Variants in SCAF4 observed in about 807,000 individuals in gnomAD.
SCAF4 encodes SR-related CTD associated factor 4, also known as SR-related and CTD-associated factor 4.
A neutral mutation model predicts 129.8 loss-of-function variants in SCAF4; 25 were observed. That is an observed-to-expected ratio of 0.19 (90% confidence interval 0.14 to 0.27). The LOEUF (loss-of-function observed/expected upper bound fraction) is 0.27, where lower values mean the gene tolerates loss of function less well. SCAF4 is among the 10% of genes least tolerant of loss of function. SCAF4 has a pLI of 1.00. For missense variants in SCAF4, 1,246 were observed against 1,457.1 expected, an observed-to-expected ratio of 0.86 and a Z score of 2.36; for synonymous variants, 551 against 497.7, an observed-to-expected ratio of 1.11 and a Z score of -1.43.
intron 1 of SCAF4, among the ~76,000 whole-genome samples, chr21:31,721,922 G>A (rs747670945): frequency 4.0e-5 from 6 of 151,870 alleles, no homozygotes; most frequent in Admixed American, 6.6e-5. Flanking sequence ...GTTTCTCAAT[G>A]TTGGCCAGGC....
At chr21:31,685,856 A>C (rs757565205) in intron 16 of SCAF4, 123 bp from the exon 17 acceptor site, 27 of 856,188 alleles carry the variant, frequency 3.2e-5, no homozygotes, top group Non-Finnish European at 4.7e-5. Context: ...TTATTAGACC[A>C]ATTTATTAAA....
chr21:31,714,128 A>G (rs576209012), intron 1 of SCAF4, among the ~76,000 whole-genome samples: 3 of 152,026 alleles, frequency 2.0e-5, no homozygotes, highest in Non-Finnish European at 4.4e-5. Flanking sequence ...GGATATACTG[A>G]TATCTGCTTG....
rs768271191 is a variant in SCAF4, at chr21:31,694,257, C to A, written c.1269G>T (p.Glu423Asp). 3.7e-6 allele frequency: 6 copies of A among 1,608,030 alleles called. No individual in the cohort carries two copies. Among genetic ancestry groups the A allele is most frequent in the Middle Eastern group, 1.7e-4 (1 of 6,034 alleles). The change falls in exon 11 of 20, where the codon GAG becomes GAT. Residue 423 changes from glutamate to aspartate, a missense_variant. Physicochemically the swap from Glu to Asp is conservative, Grantham distance 45 (BLOSUM62 2). This residue lies in a region of SCAF4 where 236 missense variants were observed against 210.0 expected (regional missense o/e 1.12). Transcript: ENST00000286835. ...TGTTATCAGACATATGTCGCTTAAC[C>A]TCTTGAATACAAGGTTGTTCTACTT... Reference protein sequence around the residue: ...EMEVEQPCIQEVKRHMSDNRK... With the variant: ...EMEVEQPCIQDVKRHMSDNRK...
intron 1 of SCAF4, among the ~76,000 whole-genome samples, chr21:31,712,366 C>T (rs1340786822): frequency 6.8e-6 from 1 of 147,340 alleles, no homozygotes; most frequent in Non-Finnish European, 1.5e-5. Flanking sequence ...TACAGACGTG[C>T]ACCACCACAC....
chr21:31,694,034 T>A (rs554454140), intron 11 of SCAF4, among the ~76,000 whole-genome samples, 170 bp downstream of exon 11: 2 of 152,304 alleles, frequency 1.3e-5, no homozygotes, highest in South Asian at 4.1e-4. Context: ...ATGTAGTTTT[T>A]TTTTTTACAT....
rs181658509 is a variant in SCAF4 at position 31,728,880 on chromosome 21, G to A, written c.30+2783C>T. Among the ~76,000 whole-genome samples the A allele has an allele frequency of 2.6e-5, 4 of 152,212 alleles. 1 individual carries two copies. The highest frequency in any genetic ancestry group is 2.6e-4 in the Admixed American group (4 of 15,284). Reference sequence around the variant, plus strand: ...AACACATTTTCTTCTCTACTAAGTAGGCTTTTGATGACTTGTGATAAGGGT... The same window carrying A: ...AACACATTTTCTTCTCTACTAAGTAAGCTTTTGATGACTTGTGATAAGGGT... On this transcript the variant is annotated intron_variant, in intron 1 of 19. Coordinates refer to ENST00000286835, the MANE Select transcript of SCAF4 (RefSeq NM_020706.2).
chr21:31,724,036 G>C lies in SCAF4; in HGVS notation c.30+7627C>G, dbSNP rs186361764. On this transcript the variant is annotated intron_variant, in intron 1 of 19. Coordinates refer to ENST00000286835, the MANE Select transcript of SCAF4 (RefSeq NM_020706.2). ...TACAGTGCACTTTACTGGAATATAG[G>C]GTTTCTGTATACTTACTTATCTATG... Among the ~76,000 whole-genome samples, 159 of 152,072 alleles carry C rather than the reference G, an allele frequency of 1.0e-3. 1 individual carries two copies. Among genetic ancestry groups the C allele is most frequent in the African/African-American group, 3.7e-3 (153 of 41,498 alleles).
At chr21:31,690,992 G>C (rs1162319961) in intron 14 of SCAF4, 39 bp from the exon 15 acceptor site, 23 of 1,560,074 alleles carry the variant, frequency 1.5e-5, no homozygotes, top group Non-Finnish European at 1.9e-5. Context: ...AGAAAACAAA[G>C]CAAGGTCGTA....
Position 31,694,299 on chromosome 21 carries a change from CA to C in SCAF4, c.1237-11del. The C allele has an allele frequency of 6.6e-7, 1 of 1,521,428 alleles. No individual in the cohort carries two copies. The highest frequency in any genetic ancestry group is 9.0e-7 in the Non-Finnish European group (1 of 1,105,342). The allele number at this position is 1,521,428 out of a possible 1,614,324, so 94.2% of individuals were successfully genotyped here. A position where few individuals can be genotyped will look rare whatever the true frequency, so the allele number is the denominator to read the frequency against. On this transcript the variant is annotated splice_polypyrimidine_tract_variant and intron_variant, in intron 10 of 19. Coordinates refer to ENST00000286835, the MANE Select transcript of SCAF4 (RefSeq NM_020706.2). The stretch of plus-strand genomic sequence containing the variant: ...GTTCTACTTCCATTTCCTTAAAAAA[CA>C]AAAACCATGATAAAATGAGAAATTT...
chr21:31,697,523 T>A (rs141251744), intron 7 of SCAF4, among the ~76,000 whole-genome samples: 1 of 152,216 alleles, frequency 6.6e-6, no homozygotes, highest in African/African-American at 2.4e-5. Context: ...AGAAACATGA[T>A]TAAGATTGCA....
At chr21:31,723,606 T>C (rs1248325856) in intron 1 of SCAF4, among the ~76,000 whole-genome samples, 1 of 135,808 alleles carries the variant, frequency 7.4e-6, no homozygotes, top group East Asian at 2.2e-4. Flanking sequence ...GTATGATTTA[T>C]ATGATGTGTG....
chr21:31,690,595 C>T (rs966174223), intron 15 of SCAF4, among the ~76,000 whole-genome samples: 1 of 152,188 alleles, frequency 6.6e-6, no homozygotes, highest in African/African-American at 2.4e-5. Context: ...ATCCCATAAT[C>T]AGTTAAGTAT....
chr21:31,710,298 C>T (rs975582621), intron 1 of SCAF4, among the ~76,000 whole-genome samples: 1 of 151,912 alleles, frequency 6.6e-6, no homozygotes, highest in African/African-American at 2.4e-5. Flanking sequence ...CCTGTAATCC[C>T]AGCACTTTGG....
intron 1 of SCAF4, among the ~76,000 whole-genome samples, chr21:31,708,281 C>T (rs1294183646): frequency 2.0e-5 from 3 of 151,474 alleles, no homozygotes; most frequent in Non-Finnish European, 4.4e-5. Context: ...GAGGCTGAGG[C>T]AGGAGAATCG....
At position 31,688,277 on chromosome 21, in the gene SCAF4, A is replaced by G. The variant is rs377343468; in HGVS notation, c.2043+30T>C. 6 of 1,597,696 alleles carry G rather than the reference A, an allele frequency of 3.8e-6. No homozygotes were observed. In the East Asian group the frequency reaches 6.7e-5, roughly 18 times the overall value. On this transcript the variant is annotated intron_variant, in intron 16 of 19. Coordinates refer to ENST00000286835, the MANE Select transcript of SCAF4 (RefSeq NM_020706.2). ...TTAGAAAGGGACCTTTCAGGCACTT[A>G]AAGTTTAAGTCATGTCCCAATATTC...
chr21:31,693,946 CCT>C (rs1366164606), intron 11 of SCAF4, among the ~76,000 whole-genome samples: 17 of 151,926 alleles, frequency 1.1e-4, no homozygotes, highest in Non-Finnish European at 2.4e-4. Flanking sequence ...ATACTGATTA[CCT>C]ATGTATAGAA....
At chr21:31,721,125 C>T (rs2051057143) in intron 1 of SCAF4, among the ~76,000 whole-genome samples, 1 of 152,196 alleles carries the variant, frequency 6.6e-6, no homozygotes, top group African/African-American at 2.4e-5. Context: ...ATCCCATCCC[C>T]ATTACCAGTC....
chr21:31,672,257 A>C lies in SCAF4; in HGVS notation c.2586T>G (p.Pro862=). The stretch of plus-strand genomic sequence containing the variant: ...GTAAGTGAGGTGGGGGCATTCCTGG[A>C]GGGCGCTGGAGTGGGATGAGACCGG... The part of the protein sequence containing the change: ...ARPGLIPLQR[P]PGMPPPHLQR... The change falls in exon 20 of 20, where the codon CCT becomes CCG. Residue 862 remains proline, a synonymous_variant. Transcript: ENST00000286835. The C allele has an allele frequency of 6.2e-7, 1 of 1,613,092 alleles. No individual in the cohort carries two copies. Among genetic ancestry groups the C allele is most frequent in the Non-Finnish European group, 8.5e-7 (1 of 1,179,648 alleles).
intron 1 of SCAF4, among the ~76,000 whole-genome samples, chr21:31,728,268 C>A (rs2051258761): frequency 6.6e-6 from 1 of 152,176 alleles, no homozygotes; most frequent in Non-Finnish European, 1.5e-5. Context: ...CTGCCTATCA[C>A]CAGTGCCTAG....
Sources: gnomAD v4.1 joint callset for allele counts (sites outside exome capture counted in the v4.1 genomes callset) on GRCh38, gnomAD v4.1.1 for gene constraint, gnomAD v4.1.1 regional missense constraint, MANE v1.5 for transcripts, NCBI Gene and HGNC (gene_info 2026-07-23, HGNC 2026-07-21) for gene names.